Variants in TNKS observed in about 807,000 individuals in gnomAD.
TNKS encodes tankyrase, also known as poly [ADP-ribose] polymerase tankyrase-1.
A neutral mutation model predicts 135.8 loss-of-function variants in TNKS; 72 were observed. That is an observed-to-expected ratio of 0.53 (90% CI 0.44 to 0.64). TNKS has a LOEUF of 0.64. Among genes scored for constraint, TNKS ranks in the 30% least tolerant of loss-of-function variants. TNKS has a pLI of 0.00. For missense variants in TNKS, 1,769 were observed against 1,674.0 expected, an observed-to-expected ratio of 1.06 and a Z score of -0.99; for synonymous variants, 849 against 649.3, an observed-to-expected ratio of 1.31 and a Z score of -4.68.
At chr8:9,631,025 A>C (rs1800269642) in intron 3 of TNKS, among the ~76,000 whole-genome samples, 7 of 152,148 alleles carry the variant, frequency 4.6e-5, no homozygotes, top group Admixed American at 4.6e-4. Flanking sequence ...TACCTTTATT[A>C]ATTTGCTTAG....
At chr8:9,558,992 T>C (rs1585164692) in intron 1 of TNKS, among the ~76,000 whole-genome samples, 1 of 152,338 alleles carries the variant, frequency 6.6e-6, no homozygotes, top group South Asian at 2.1e-4. Context: ...ATAGCTGTTT[T>C]AAAGATGAGA....
chr8:9,775,775 T>A (rs1187179359), intron 26 of TNKS, among the ~76,000 whole-genome samples: 1 of 152,062 alleles, frequency 6.6e-6, no homozygotes, highest in Non-Finnish European at 1.5e-5. Context: ...GAACAAACTA[T>A]TTTTGGTCCC....
At chr8:9,592,312 A>G (rs549741355) in intron 2 of TNKS, among the ~76,000 whole-genome samples, 2 of 152,314 alleles carry the variant, frequency 1.3e-5, no homozygotes, top group African/African-American at 4.8e-5. Flanking sequence ...CTGCTTTTCA[A>G]GGATCAAAAG....
At chr8:9,663,483 C>G (rs1293964059) in intron 3 of TNKS, among the ~76,000 whole-genome samples, 11 of 152,326 alleles carry the variant, frequency 7.2e-5, no homozygotes, top group Non-Finnish European at 8.8e-5. Context: ...ACCATGAGCA[C>G]TCTTCCAACA....
At chr8:9,717,740 T>C (rs970597082) in intron 11 of TNKS, among the ~76,000 whole-genome samples, 1 of 152,144 alleles carries the variant, frequency 6.6e-6, no homozygotes, top group Non-Finnish European at 1.5e-5. Flanking sequence ...AAAATCTAAT[T>C]GTCTAACACA....
intron 1 of TNKS, among the ~76,000 whole-genome samples, chr8:9,574,609 C>T (rs2129052203): frequency 6.6e-6 from 1 of 152,326 alleles, no homozygotes; most frequent in Non-Finnish European, 1.5e-5. Flanking sequence ...ACCCAATCTT[C>T]TTACCCTTGA....
At chr8:9,707,181 T>C (rs1318586902) in intron 8 of TNKS, among the ~76,000 whole-genome samples, 184 bp downstream of exon 8, 4 of 152,246 alleles carry the variant, frequency 2.6e-5, no homozygotes, top group African/African-American at 9.6e-5. Context: ...ACTTTTTGTA[T>C]ATATTGTATT....
chr8:9,623,835 C>G (rs1799956342), intron 3 of TNKS, among the ~76,000 whole-genome samples: 1 of 152,056 alleles, frequency 6.6e-6, no homozygotes, highest in Admixed American at 6.6e-5. Flanking sequence ...AACCCCGTCT[C>G]TACCAAAAAT....
chr8:9,771,387 A>AAG, intron 26 of TNKS, among the ~76,000 whole-genome samples: 1 of 99,822 alleles, frequency 1.0e-5, no homozygotes, highest in Non-Finnish European at 2.4e-5. Context: ...AGGGAAAGAG[A>AAG]GAAAGGGAGG....
intron 3 of TNKS, among the ~76,000 whole-genome samples, chr8:9,629,902 T>C (rs1034821932): frequency 2.0e-5 from 3 of 152,196 alleles, no homozygotes; most frequent in East Asian, 3.8e-4. Flanking sequence ...CAGGATGGTC[T>C]CGATCTCCTG....
chr8:9,776,512 G>T, intron 26 of TNKS, 138 bp from the exon 27 acceptor site: 1 of 682,002 alleles, frequency 1.5e-6, no homozygotes. Flanking sequence ...ACCTCAAATT[G>T]TTCAGGCACC....
intron 2 of TNKS, among the ~76,000 whole-genome samples, chr8:9,604,860 ACT>A (rs1363276009): frequency 1.3e-5 from 2 of 150,416 alleles, no homozygotes; most frequent in African/African-American, 4.9e-5. Context: ...TATCCATCCT[ACT>A]CTCTTTTTCC....
intron 5 of TNKS, among the ~76,000 whole-genome samples, chr8:9,681,395 T>C (rs1802775678): frequency 6.6e-6 from 1 of 152,116 alleles, no homozygotes; most frequent in Admixed American, 6.6e-5. Context: ...ATATATAAAA[T>C]ATACAGCTGG....
chr8:9,710,460 T>G, intron 11 of TNKS: 2 of 576,408 alleles, frequency 3.5e-6, no homozygotes, highest in Non-Finnish European at 3.1e-6. Flanking sequence ...AATATAGCTA[T>G]AGTCATTTGA....
At chr8:9,657,313 T>G (rs1398202919) in intron 3 of TNKS, among the ~76,000 whole-genome samples, 1 of 55,536 alleles carries the variant, frequency 1.8e-5, no homozygotes, top group Non-Finnish European at 3.8e-5. Context: ...CCCCCCCACC[T>G]CCCTCCCAGA....
At chr8:9,759,767 G>C (rs1464944293) in intron 20 of TNKS, among the ~76,000 whole-genome samples, 1 of 152,104 alleles carries the variant, frequency 6.6e-6, no homozygotes, top group Admixed American at 6.5e-5. Context: ...GAGGTCAGGA[G>C]ATCGAGACCA....
At chr8:9,569,818 A>G (rs774695141) in intron 1 of TNKS, among the ~76,000 whole-genome samples, 5 of 152,042 alleles carry the variant, frequency 3.3e-5, no homozygotes, top group African/African-American at 7.2e-5. Context: ...TGTCTTTGTT[A>G]TCTGTGCTTT....
intron 3 of TNKS, among the ~76,000 whole-genome samples, chr8:9,633,680 T>G (rs1800385389): frequency 6.6e-6 from 1 of 152,234 alleles, no homozygotes. Context: ...GGGCTGTTTT[T>G]CTCATTCACT....
rs1039700484 is a variant in TNKS at position 9,781,254 on chromosome 8, T to G, written c.*4518T>G. The G allele has an allele frequency of 6.6e-6, 1 of 152,242 alleles. No homozygotes were observed. The highest frequency in any genetic ancestry group is 1.5e-5 in the Non-Finnish European group (1 of 68,056). 9.4% of individuals were successfully genotyped at this position (152,242 alleles called of 1,614,324 possible). A position where few individuals can be genotyped will look rare whatever the true frequency, so the allele number is the denominator to read the frequency against. On this transcript the variant is annotated 3_prime_UTR_variant, in exon 27 of 27. Coordinates refer to ENST00000310430, the MANE Select transcript of TNKS (RefSeq NM_003747.3). ...TACCTCCCATCCTTTCAAAGAGGTT[T>G]CTTTCACGTTCCAGAATTCAGATTG...
Sources: gnomAD v4.1 joint callset for allele counts (sites outside exome capture counted in the v4.1 genomes callset) on GRCh38, gnomAD v4.1.1 for gene constraint, MANE v1.5 for transcripts, NCBI Gene and HGNC (gene_info 2026-07-23, HGNC 2026-07-21) for gene names.